The following P2RX5 variants were observed in gnomAD, a reference collection of about 807,000 sequenced individuals.
P2RX5 encodes the protein purinergic receptor P2X 5, also known as P2X purinoceptor 5.
Under a neutral mutation model 54.1 loss-of-function variants are expected in P2RX5, and 46 were observed. The ratio of observed to expected loss-of-function variants is 0.85; its 90% CI spans 0.67 to 1.09. P2RX5 has a LOEUF of 1.09. Ranked by LOEUF, P2RX5 falls within the 50% of genes least tolerant of loss-of-function variation. The probability of loss-of-function intolerance (pLI) is 0.00; values close to 1 mark genes in which losing one functional copy is unlikely to be tolerated. For missense variants in P2RX5, 566 were observed against 549.8 expected (o/e 1.03, Z -0.29); for synonymous variants, 226 against 226.4 (o/e 1.00, Z 0.02).
intron 11 of P2RX5, 89 bp from the exon 12 acceptor site, chr17:3,673,966 C>T: frequency 8.2e-7 from 1 of 1,220,240 alleles, no homozygotes; most frequent in South Asian, 1.3e-5. Context: ...GAAGGGCCTT[C>T]CCAAGTCTGA....
chr17:3,717,516 G>A, the P2RX5 span: 1 of 152,156 alleles, frequency 6.6e-6, no homozygotes, highest in Non-Finnish European at 1.5e-5. Flanking sequence ...TGTCCTTCCT[G>A]AGACCCAGGT....
At chr17:3,690,378 C>A (rs377199188) in intron 5 of P2RX5, 49 bp downstream of exon 5, 2 of 1,434,752 alleles carry the variant, frequency 1.4e-6, no homozygotes, top group South Asian at 1.2e-5. Context: ...TGGGACCCAC[C>A]GCACGGGGCT....
At chr17:3,719,154 TG>T in the P2RX5 span, among the ~76,000 whole-genome samples, 10 of 145,422 alleles carry the variant, frequency 6.9e-5, no homozygotes, top group Non-Finnish European at 1.2e-4. Flanking sequence ...AAGAATCACT[TG>T]AACTGGGGAG....
intron 11 of P2RX5, among the ~76,000 whole-genome samples, chr17:3,674,314 T>C (rs1242163935): frequency 7.0e-6 from 1 of 142,152 alleles, no homozygotes; most frequent in Non-Finnish European, 1.5e-5. Context: ...AGACTCCGTC[T>C]CAAAAAATTA....
chr17:3,685,092 A>C (rs996266505), intron 9 of P2RX5, among the ~76,000 whole-genome samples: 2 of 152,082 alleles, frequency 1.3e-5, no homozygotes, highest in South Asian at 4.1e-4. Flanking sequence ...GTGATCCGCC[A>C]CCTCACCCTC....
chr17:3,711,638 C>A, the P2RX5 span, among the ~76,000 whole-genome samples: 14 of 152,024 alleles, frequency 9.2e-5, no homozygotes, highest in Non-Finnish European at 1.8e-4. Context: ...CACGTCGGCG[C>A]CTCCCGAAGT....
At chr17:3,713,912 A>C in the P2RX5 span, among the ~76,000 whole-genome samples, 3 of 151,078 alleles carry the variant, frequency 2.0e-5, no homozygotes, top group East Asian at 5.8e-4. Flanking sequence ...GATACTTAAG[A>C]ATTATCTGAA....
At chr17:3,684,471 G>A (rs576353237) in intron 9 of P2RX5, among the ~76,000 whole-genome samples, 1 of 152,344 alleles carries the variant, frequency 6.6e-6, no homozygotes, top group South Asian at 2.1e-4. Context: ...ACAGGTGGTG[G>A]TGCACCTGCA....
At chr17:3,694,488 G>A (rs1044365569) in intron 1 of P2RX5, among the ~76,000 whole-genome samples, 1 of 152,172 alleles carries the variant, frequency 6.6e-6, no homozygotes, top group Non-Finnish European at 1.5e-5. Flanking sequence ...TTATAGGCAT[G>A]AGCCACAGCG....
chr17:3,700,133 A>G (rs1437950563), upstream of P2RX5, among the ~76,000 whole-genome samples: 1 of 152,170 alleles, frequency 6.6e-6, no homozygotes, highest in Non-Finnish European at 1.5e-5. Context: ...TCTGCATTCT[A>G]TCTCCCCATG....
the P2RX5 span, among the ~76,000 whole-genome samples, chr17:3,722,641 G>A: frequency 6.6e-6 from 1 of 152,174 alleles, no homozygotes; most frequent in Non-Finnish European, 1.5e-5. Context: ...GAATAGGACA[G>A]AATAACCCGA....
intron 10 of P2RX5, 38 bp from the exon 11 acceptor site, chr17:3,679,822 G>A (rs752598702): frequency 6.4e-7 from 1 of 1,569,148 alleles, no homozygotes; most frequent in Admixed American, 1.7e-5. Context: ...GGACGGCCCT[G>A]CAGGGTGCCT....
chr17:3,689,880 GCA>G (rs555648203), intron 6 of P2RX5, among the ~76,000 whole-genome samples, 188 bp downstream of exon 6: 192 of 149,406 alleles, frequency 1.3e-3, no homozygotes, highest in Non-Finnish European at 2.3e-3. Flanking sequence ...GCGAACACAC[GCA>G]CACACACAAA....
At chr17:3,699,077 A>ACC (rs1200279133), upstream of P2RX5, among the ~76,000 whole-genome samples, 11 of 111,042 alleles carry the variant, frequency 9.9e-5, no homozygotes, top group African/African-American at 2.9e-4. Flanking sequence ...ACACACACAC[A>ACC]CACACACACA....
rs1362186209 is a variant in P2RX5, at chr17:3,679,695, C to T, written c.1154G>A (p.Gly385Glu). The part of the protein sequence containing the change: ...EQLTSGPGLL[G>E]MPEQQELQEP... ...CTGCAGCTCCTGCTGCTCCGGCATC[C>T]CCAGCAGCCCTGGCCCAGATGTGAG... is the stretch of plus-strand genomic sequence containing the variant. Residue 385 changes from glycine (G) to glutamate (E), a missense_variant, in exon 11 of 12, where the codon GGG becomes GAG. Physicochemically the swap from Gly to Glu is moderately conservative, Grantham distance 98 (BLOSUM62 -2). Transcript: ENST00000225328. The T allele has an allele frequency of 6.2e-7, 1 of 1,612,198 alleles. No homozygotes were observed. The highest frequency in any genetic ancestry group is 8.5e-7 in the Non-Finnish European group (1 of 1,179,822).
chr17:3,673,493 T>A lies in P2RX5; in HGVS notation c.*375A>T. On this transcript the variant is annotated 3_prime_UTR_variant, in exon 12 of 12. Transcript: ENST00000225328. ...GCCCTTTTCCGGACACGCACAATGCTATTCCCAGTGAGGTAATCTAGGAAC... is the reference window on the plus strand; with the variant it reads ...GCCCTTTTCCGGACACGCACAATGCAATTCCCAGTGAGGTAATCTAGGAAC... 2 of 1,182,062 alleles carry A rather than the reference T, an allele frequency of 1.7e-6. No homozygotes were observed. Among genetic ancestry groups the A allele is most frequent in the Non-Finnish European group, 2.1e-6 (2 of 944,264 alleles). 73.2% of individuals were successfully genotyped at this position (1,182,062 alleles called of 1,614,324 possible).
At chr17:3,709,596 C>T in the P2RX5 span, among the ~76,000 whole-genome samples, 1 of 152,120 alleles carries the variant, frequency 6.6e-6, no homozygotes, top group East Asian at 1.9e-4. Context: ...GGTGAGACCC[C>T]AGTCTCCAAA....
the P2RX5 span, among the ~76,000 whole-genome samples, chr17:3,708,563 A>G: frequency 6.6e-6 from 1 of 152,224 alleles, no homozygotes; most frequent in East Asian, 1.9e-4. Context: ...AAACAAATTA[A>G]GTAAAAATGG....
chr17:3,714,715 T>C, the P2RX5 span: 1 of 566,306 alleles, frequency 1.8e-6, no homozygotes, highest in African/African-American at 1.9e-5. Flanking sequence ...GGACAATGTA[T>C]GGTTAAAAAC....
Sources: gnomAD v4.1 joint callset for allele counts (sites outside exome capture counted in the v4.1 genomes callset) on GRCh38, gnomAD v4.1.1 for gene constraint, MANE v1.5 for transcripts, NCBI Gene and HGNC (gene_info 2026-07-23, HGNC 2026-07-21) for gene names.